DCC: variants seen among roughly 807,000 people sequenced by gnomAD.
DCC encodes netrin receptor DCC.
Under a neutral mutation model 172.5 loss-of-function variants are expected in DCC, and 58 were observed. The ratio of observed to expected loss-of-function variants is 0.34; its 90% CI spans 0.27 to 0.42. The LOEUF is 0.42. Ranked by LOEUF, DCC falls within the 10% of genes least tolerant of loss-of-function variation. The pLI is 1.00. For synonymous variants in DCC, 709 were observed against 644.5 expected, an observed-to-expected ratio of 1.10 and a Z score of -1.52; for missense variants, 1,740 against 1,791.0, an observed-to-expected ratio of 0.97 and a Z score of 0.51.
intron 15 of DCC, among the ~76,000 whole-genome samples, chr18:53,349,339 C>T (rs1215026785): frequency 3.3e-5 from 5 of 152,308 alleles, no homozygotes; most frequent in African/African-American, 7.2e-5. Context: ...TTGTTCATAT[C>T]GCTATCAGCC....
At chr18:52,427,655 C>T (rs888704542) in intron 1 of DCC, among the ~76,000 whole-genome samples, 2 of 151,976 alleles carry the variant, frequency 1.3e-5, no homozygotes, top group African/African-American at 4.8e-5. Flanking sequence ...CTATAAGGCC[C>T]CCTGAAGGTG....
chr18:53,264,029 A>G (rs2056637354), intron 12 of DCC, among the ~76,000 whole-genome samples: 1 of 152,194 alleles, frequency 6.6e-6, no homozygotes, highest in African/African-American at 2.4e-5. Context: ...TATATTAGGA[A>G]AATTCTTTGT....
intron 1 of DCC, among the ~76,000 whole-genome samples, chr18:52,487,675 C>T (rs967897038): frequency 1.3e-5 from 2 of 151,586 alleles, no homozygotes; most frequent in African/African-American, 4.8e-5. Context: ...GCCAGGTGTG[C>T]TGGTGTATGC....
intron 10 of DCC, among the ~76,000 whole-genome samples, chr18:53,206,190 G>A (rs12958493): frequency 0.068 from 87 of 1,288 alleles, no homozygotes; most frequent in South Asian, 0.11. Flanking sequence ...ATACATATAC[G>A]TATACATATA....
intron 2 of DCC, among the ~76,000 whole-genome samples, chr18:52,763,852 G>A (rs1479127616): frequency 6.6e-6 from 1 of 152,034 alleles, no homozygotes; most frequent in Non-Finnish European, 1.5e-5. Flanking sequence ...TTCACTTAAT[G>A]ATATATCTTG....
At chr18:52,621,041 T>C (rs1028196462) in intron 1 of DCC, among the ~76,000 whole-genome samples, 5 of 152,352 alleles carry the variant, frequency 3.3e-5, no homozygotes, top group Middle Eastern at 3.4e-3. Flanking sequence ...CCACTCTGGA[T>C]GAAGGCTGCA....
chr18:52,633,477 G>A lies in DCC; in HGVS notation c.92-118577G>A, dbSNP rs191047679. Among the ~76,000 whole-genome samples the A allele has an allele frequency of 1.5e-3, 228 of 152,266 alleles. 2 individuals carry two copies. The highest frequency in any genetic ancestry group is 0.012 in the East Asian group (61 of 5,174). On this transcript the variant is annotated intron_variant, in intron 1 of 28. Coordinates refer to ENST00000442544, the MANE Select transcript of DCC (RefSeq NM_005215.4). ...TGCCCTAATTAGTTGTGTAGCCTCAGTCAAATCAATTCCCCTTTATGCACT... is the reference window on the plus strand; with the variant it reads ...TGCCCTAATTAGTTGTGTAGCCTCAATCAAATCAATTCCCCTTTATGCACT...
chr18:53,129,026 A>G (rs1243129462), intron 7 of DCC, among the ~76,000 whole-genome samples: 1 of 151,658 alleles, frequency 6.6e-6, no homozygotes, highest in Non-Finnish European at 1.5e-5. Context: ...AGCTGGGACT[A>G]CAGGCATATG....
intron 7 of DCC, among the ~76,000 whole-genome samples, chr18:53,108,542 C>A (rs2043283231): frequency 6.6e-6 from 1 of 151,672 alleles, no homozygotes; most frequent in Non-Finnish European, 1.5e-5. Flanking sequence ...TGCGTATGTA[C>A]ATAAAAATAA....
At chr18:52,874,332 G>T (rs1267345646) in intron 2 of DCC, among the ~76,000 whole-genome samples, 1 of 152,076 alleles carries the variant, frequency 6.6e-6, no homozygotes, top group Non-Finnish European at 1.5e-5. Flanking sequence ...TATTTAAAAT[G>T]ATTTTCGAAA....
intron 12 of DCC, among the ~76,000 whole-genome samples, chr18:53,231,396 A>G (rs1304185767): frequency 1.3e-5 from 2 of 152,128 alleles, no homozygotes; most frequent in African/African-American, 4.8e-5. Flanking sequence ...AAATGATAAA[A>G]TAAATTTATG....
chr18:53,481,906 A>G (rs1180110857), intron 25 of DCC, among the ~76,000 whole-genome samples: 6 of 152,182 alleles, frequency 3.9e-5, no homozygotes, highest in African/African-American at 1.2e-4. Flanking sequence ...GATAAATTCA[A>G]TTGTCAGAAA....
At chr18:52,373,246 C>T (rs1386460659) in intron 1 of DCC, among the ~76,000 whole-genome samples, 2 of 152,100 alleles carry the variant, frequency 1.3e-5, no homozygotes, top group African/African-American at 4.8e-5. Context: ...TCCCCCTACC[C>T]TCAAATGTGA....
chr18:53,113,316 A>G (rs1449510593), intron 7 of DCC, among the ~76,000 whole-genome samples: 1 of 151,484 alleles, frequency 6.6e-6, no homozygotes, highest in Non-Finnish European at 1.5e-5. Context: ...GTAGTTGGAT[A>G]TAATTTATTA....
At chr18:52,926,057 G>A (rs1311263611) in intron 5 of DCC, among the ~76,000 whole-genome samples, 1 of 151,820 alleles carries the variant, frequency 6.6e-6, no homozygotes, top group Non-Finnish European at 1.5e-5. Flanking sequence ...GTAGTTTGGA[G>A]AAAGTGCCTT....
intron 15 of DCC, among the ~76,000 whole-genome samples, chr18:53,366,046 A>G (rs1389760232): frequency 6.6e-6 from 1 of 150,902 alleles, no homozygotes; most frequent in Non-Finnish European, 1.5e-5. Flanking sequence ...TTGCTCTTTG[A>G]CAAAAATACT....
chr18:52,414,766 T>C (rs1986961204), intron 1 of DCC, among the ~76,000 whole-genome samples: 1 of 152,192 alleles, frequency 6.6e-6, no homozygotes, highest in Admixed American at 6.5e-5. Flanking sequence ...TAACTTTAAT[T>C]ATAGGAGCAC....
chr18:53,517,556 C>T (rs528758001), intron 27 of DCC, among the ~76,000 whole-genome samples: 1 of 151,890 alleles, frequency 6.6e-6, no homozygotes, highest in Non-Finnish European at 1.5e-5. Context: ...CCATTAGTAC[C>T]TTAACCCTCT....
intron 7 of DCC, among the ~76,000 whole-genome samples, chr18:53,087,016 G>A (rs531325047): frequency 1.5e-4 from 23 of 151,890 alleles, no homozygotes; most frequent in South Asian, 4.2e-4. Flanking sequence ...GGACATTTGC[G>A]TTGGTTCCAA....
Sources: gnomAD v4.1 joint callset for allele counts (sites outside exome capture counted in the v4.1 genomes callset) on GRCh38, gnomAD v4.1.1 for gene constraint, MANE v1.5 for transcripts, NCBI Gene and HGNC (gene_info 2026-07-23, HGNC 2026-07-21) for gene names.